The following RAPGEF1 variants were observed in gnomAD, a reference collection of about 807,000 sequenced individuals.
RAPGEF1 encodes the protein Rap guanine nucleotide exchange factor 1, also known as CRK SH3-binding GNRP.
In RAPGEF1, 33 loss-of-function variants were observed where a neutral mutation model predicts 143.3. The ratio of observed to expected loss-of-function variants is 0.23; its 90% CI spans 0.17 to 0.31. RAPGEF1 has a LOEUF of 0.31. Among genes scored for constraint, RAPGEF1 ranks in the 10% least tolerant of loss-of-function variants. The pLI, the probability that RAPGEF1 is intolerant of heterozygous loss-of-function variation, is 1.00. For missense variants in RAPGEF1, 1,199 were observed against 1,645.4 expected (o/e 0.73, Z 4.69); for synonymous variants, 629 against 676.5 (o/e 0.93, Z 1.09).
At chr9:131,699,239 CTTTT>C (rs35856609) in intron 1 of RAPGEF1, among the ~76,000 whole-genome samples, 5 of 124,806 alleles carry the variant, frequency 4.0e-5, no homozygotes, top group South Asian at 2.7e-4. Context: ...TCCACTGACA[CTTTT>C]TTTTTTTTTT....
chr9:131,660,556 C>T lies in RAPGEF1; in HGVS notation c.62-9607G>A, dbSNP rs571853955. ...CAGTGTATTTATGCAGTCAGGCCCC[C>T]GAATGAATAGATTCTAACTTCTGCT... On this transcript the variant is annotated intron_variant, in intron 1 of 26. Coordinates refer to ENST00000683357, the MANE Select transcript of RAPGEF1 (RefSeq NM_001377935.1). Among the ~76,000 whole-genome samples, 10 of 152,248 alleles carry T rather than the reference C, an allele frequency of 6.6e-5. No homozygotes were observed. The East Asian group carries it at 9.7e-4, about 15-fold the overall frequency.
intron 1 of RAPGEF1, among the ~76,000 whole-genome samples, chr9:131,693,813 C>T (rs1374740751): frequency 7.6e-6 from 1 of 132,296 alleles, no homozygotes; most frequent in East Asian, 2.1e-4. Context: ...CCCACTGCCA[C>T]CACCCTTATC....
intron 1 of RAPGEF1, chr9:131,710,070 A>G: frequency 2.0e-6 from 1 of 499,258 alleles, no homozygotes; most frequent in Non-Finnish European, 2.6e-6. Context: ...CGCAGGAGAA[A>G]TGGGGAATCA....
intron 12 of RAPGEF1, among the ~76,000 whole-genome samples, chr9:131,611,545 T>C (rs973983985): frequency 2.0e-5 from 3 of 152,230 alleles, no homozygotes; most frequent in Admixed American, 1.3e-4. Flanking sequence ...AAACCTCCAA[T>C]ACATTCTAGG....
intron 1 of RAPGEF1, among the ~76,000 whole-genome samples, chr9:131,691,311 TCA>T (rs1443538153): frequency 2.6e-5 from 4 of 152,212 alleles, no homozygotes; most frequent in Non-Finnish European, 5.9e-5. Context: ...TTGAGGTTTC[TCA>T]GTTGGGCCCC....
intron 1 of RAPGEF1, among the ~76,000 whole-genome samples, chr9:131,711,361 C>T (rs1280394348): frequency 2.3e-5 from 3 of 130,316 alleles, no homozygotes; most frequent in Non-Finnish European, 3.3e-5. Context: ...CTATTATCAC[C>T]TTTTTTTTTT....
At chr9:131,711,892 G>A (rs374208047) in intron 1 of RAPGEF1, among the ~76,000 whole-genome samples, 7 of 152,282 alleles carry the variant, frequency 4.6e-5, no homozygotes, top group East Asian at 1.9e-4. Context: ...GTTTCTGGGC[G>A]CAGTGGGCCA....
chr9:131,629,178 G>A lies in RAPGEF1; in HGVS notation c.817C>T (p.Leu273Phe). The A allele has an allele frequency of 6.2e-7, 1 of 1,614,024 alleles. No individual in the cohort carries two copies. Residue 273 changes from leucine (L) to phenylalanine (F), a missense_variant, in exon 7 of 27, where the codon CTC becomes TTC. Physicochemically the swap from Leu to Phe is conservative, Grantham distance 22. This residue lies in a region of RAPGEF1 where 613 missense variants were observed against 710.9 expected (regional missense o/e 0.86). Transcript: ENST00000683357. The stretch of plus-strand genomic sequence containing the variant: ...TCTTCATCCGTGGCATCTGGGAGGA[G>A]CTCAGTTGACTGTGACATCCCAGTC... ...KTTGMSQSTE[L>F]LPDATDEEVA...
chr9:131,646,627 G>A (rs1199074364), intron 3 of RAPGEF1, among the ~76,000 whole-genome samples: 1 of 152,188 alleles, frequency 6.6e-6, no homozygotes, highest in Non-Finnish European at 1.5e-5. Flanking sequence ...GACTTGCTCT[G>A]TCACTCCTTG....
Position 131,644,075 on chromosome 9 carries a change from C to T in RAPGEF1, c.316-658G>A, listed in dbSNP as rs556236429. ...ATGACCGTGATTCTCAAGATTCAAT[C>T]ACGACTCATGCAGTGGGCGCTAGCA... On this transcript the variant is annotated intron_variant, in intron 3 of 26. Coordinates refer to ENST00000683357, the MANE Select transcript of RAPGEF1 (RefSeq NM_001377935.1). 1.4e-4 allele frequency among the ~76,000 whole-genome samples: 21 copies of T among 152,312 alleles called. No homozygotes were observed. The South Asian group carries it at 4.4e-3, about 32-fold the overall frequency.
At chr9:131,719,815 T>C (rs1836135576) in intron 1 of RAPGEF1, among the ~76,000 whole-genome samples, 1 of 151,938 alleles carries the variant, frequency 6.6e-6, no homozygotes, top group Non-Finnish European at 1.5e-5. Flanking sequence ...TACACCGAAT[T>C]GGGGCAAAGT....
intron 24 of RAPGEF1, 26 bp from the exon 25 acceptor site, chr9:131,582,728 C>T: frequency 1.3e-6 from 2 of 1,539,016 alleles, no homozygotes; most frequent in Admixed American, 2.1e-5. Flanking sequence ...AGGACAGGAC[C>T]GGACAGGGGT....
At chr9:131,582,050 A>G (rs1304337661) in intron 25 of RAPGEF1, among the ~76,000 whole-genome samples, 2 of 152,190 alleles carry the variant, frequency 1.3e-5, no homozygotes, top group Non-Finnish European at 2.9e-5. Flanking sequence ...TGCAACAGAC[A>G]CTTGTTTGGT....
intron 1 of RAPGEF1, among the ~76,000 whole-genome samples, chr9:131,708,911 T>C (rs1189641835): frequency 6.6e-6 from 1 of 152,142 alleles, no homozygotes; most frequent in Non-Finnish European, 1.5e-5. Flanking sequence ...TTTTGTATTA[T>C]TAGTAGAGAC....
intron 1 of RAPGEF1, among the ~76,000 whole-genome samples, chr9:131,734,514 T>C (rs552353997): frequency 6.6e-6 from 1 of 152,316 alleles, no homozygotes; most frequent in East Asian, 1.9e-4. Flanking sequence ...AAGGAGGCAC[T>C]CAGTAAGTGT....
At chr9:131,638,596 A>G in intron 5 of RAPGEF1, 39 bp downstream of exon 5, 1 of 1,607,204 alleles carries the variant, frequency 6.2e-7, no homozygotes, top group Non-Finnish European at 8.5e-7. Flanking sequence ...AGGCTGCTCT[A>G]AGTCCCTGAC....
Position 131,628,633 on chromosome 9 carries a change from C to T in RAPGEF1, c.933G>A (p.Ala311=), listed in dbSNP as rs751068691. ...PALPPKKRQS[A]PSPTRVAVVA... ...CCACAGCCACTCGGGTAGGGGACGG[C>T]GCCGACTGTCTTTTCTTGGGTGGCA... Residue 311 remains alanine (A), a synonymous_variant, in exon 8 of 27, where the codon GCG becomes GCA. Coordinates refer to ENST00000683357, the MANE Select transcript of RAPGEF1 (RefSeq NM_001377935.1). The surrounding 1 kb of genome is among the most constrained non-coding windows in gnomAD (Gnocchi z 5.7). 68 of 1,610,648 alleles carry T rather than the reference C, an allele frequency of 4.2e-5. No individual in the cohort carries two copies. Among genetic ancestry groups the T allele is most frequent in the Admixed American group, 2.2e-4 (13 of 59,900 alleles).
intron 12 of RAPGEF1, among the ~76,000 whole-genome samples, chr9:131,618,142 T>C (rs1757393534): frequency 6.6e-6 from 1 of 152,206 alleles, no homozygotes; most frequent in Non-Finnish European, 1.5e-5. Flanking sequence ...ACTGAGCAAA[T>C]GCAATGGAAC....
chr9:131,733,796 C>G (rs1311525173), intron 1 of RAPGEF1, among the ~76,000 whole-genome samples: 2 of 152,130 alleles, frequency 1.3e-5, no homozygotes, highest in Non-Finnish European at 2.9e-5. Context: ...GCCTGGCACT[C>G]AAGGCAATCT....
Sources: gnomAD v4.1 joint callset for allele counts (sites outside exome capture counted in the v4.1 genomes callset) on GRCh38, gnomAD v4.1.1 for gene constraint, gnomAD v4.1.1 regional missense constraint, Gnocchi (gnomAD v3.1) non-coding constraint, MANE v1.5 for transcripts, NCBI Gene and HGNC (gene_info 2026-07-23, HGNC 2026-07-21) for gene names.